Variants in DIP2B observed in about 807,000 individuals in gnomAD.
The protein encoded by DIP2B is disco-interacting protein 2 homolog B.
A neutral mutation model predicts 198.0 loss-of-function variants in DIP2B; 76 were observed. The observed-to-expected ratio is 0.38, with a 90% CI of 0.32 to 0.46. The LOEUF (loss-of-function observed/expected upper bound fraction) is 0.46, where lower values mean the gene tolerates loss of function less well. DIP2B is among the 20% of genes least tolerant of loss of function. DIP2B has a pLI of 0.99. For synonymous variants in DIP2B, 701 were observed against 739.1 expected (o/e 0.95, Z 0.84); for missense variants, 1,559 against 1,978.4 (o/e 0.79, Z 4.02).
intron 3 of DIP2B, among the ~76,000 whole-genome samples, chr12:50,641,707 T>C (rs775093575): frequency 1.3e-3 from 204 of 152,296 alleles, no homozygotes; most frequent in Non-Finnish European, 1.8e-3. Context: ...TGTACTGTGC[T>C]TGGGACCACC....
At chr12:50,719,454 T>C (rs943737885) in intron 25 of DIP2B, among the ~76,000 whole-genome samples, 2 of 152,206 alleles carry the variant, frequency 1.3e-5, no homozygotes, top group African/African-American at 4.8e-5. Flanking sequence ...TGGTACATAG[T>C]TAAATGATTT....
intron 1 of DIP2B, among the ~76,000 whole-genome samples, chr12:50,514,360 C>T (rs557620404): frequency 2.5e-4 from 38 of 152,148 alleles, no homozygotes; most frequent in African/African-American, 8.4e-4. Flanking sequence ...CCACTGCACC[C>T]GGTTGCATTA....
At chr12:50,696,064 C>T in intron 16 of DIP2B, 97 bp downstream of exon 16, 2 of 1,534,996 alleles carry the variant, frequency 1.3e-6, no homozygotes, top group South Asian at 1.2e-5. Flanking sequence ...TACTGAAAAA[C>T]TCACTCATTT....
intron 35 of DIP2B, among the ~76,000 whole-genome samples, chr12:50,737,344 C>T (rs993352218): frequency 6.6e-6 from 1 of 152,078 alleles, no homozygotes; most frequent in Non-Finnish European, 1.5e-5. Context: ...ACTGACATGC[C>T]CTTAGCTAGA....
rs1478284040 is a variant in DIP2B, at chr12:50,747,074, C to A, written c.*2235C>A. On this transcript the variant is annotated 3_prime_UTR_variant, in exon 38 of 38. Transcript: ENST00000301180. ...TAACCCAATAGCTCAAAAACACTAT[C>A]ATTTCAACATAGGATCAATATAAAA... The A allele has an allele frequency of 1.3e-5, 2 of 152,160 alleles. No individual in the cohort carries two copies. Among genetic ancestry groups the A allele is most frequent in the East Asian group, 1.9e-4 (1 of 5,204 alleles). 9.4% of individuals were successfully genotyped at this position (152,160 alleles called of 1,614,324 possible). A position where few individuals can be genotyped will look rare whatever the true frequency, so the allele number is the denominator to read the frequency against.
intron 26 of DIP2B, 62 bp from the exon 27 acceptor site, chr12:50,723,140 T>G: frequency 6.3e-7 from 1 of 1,587,746 alleles, no homozygotes; most frequent in Non-Finnish European, 8.6e-7. Context: ...AATTTGCCTT[T>G]TAGTTTCTCA....
chr12:50,606,266 G>A (rs1958980790), intron 1 of DIP2B, among the ~76,000 whole-genome samples: 1 of 152,114 alleles, frequency 6.6e-6, no homozygotes, highest in Non-Finnish European at 1.5e-5. Context: ...GGCTACAGGT[G>A]TGTGCCACCA....
rs1189033624 is a variant in DIP2B at position 50,675,462 on chromosome 12, T to C, written c.916+14T>C. On this transcript the variant is annotated intron_variant, in intron 7 of 37. Coordinates refer to ENST00000301180, the MANE Select transcript of DIP2B (RefSeq NM_173602.3). ...AAATTGTGGAAGGTAGTAGTAAAAATACCAAAAACATATATTCATTAAATA... is the reference window on the plus strand; with the variant it reads ...AAATTGTGGAAGGTAGTAGTAAAAACACCAAAAACATATATTCATTAAATA... The C allele has an allele frequency of 1.2e-6, 2 of 1,611,292 alleles. No individual in the cohort carries two copies. Among genetic ancestry groups the C allele is most frequent in the Admixed American group, 3.3e-5 (2 of 59,816 alleles).
intron 1 of DIP2B, among the ~76,000 whole-genome samples, chr12:50,590,570 A>G (rs1173505257): frequency 3.3e-5 from 5 of 152,082 alleles, no homozygotes; most frequent in African/African-American, 7.2e-5. Context: ...GGGTTTCACC[A>G]TGTTGGCCAG....
At chr12:50,730,319 C>G (rs987293679) in intron 30 of DIP2B, among the ~76,000 whole-genome samples, 11 of 151,672 alleles carry the variant, frequency 7.3e-5, no homozygotes, top group African/African-American at 2.4e-4. Context: ...GTTGAATACT[C>G]TTTCTTTTTC....
chr12:50,578,504 CT>C (rs62685162), intron 1 of DIP2B, among the ~76,000 whole-genome samples: 6,101 of 111,476 alleles, frequency 0.055, 136 homozygotes, highest in East Asian at 0.29. Flanking sequence ...GTTATTTGCT[CT>C]TTTTTTTTTT....
At chr12:50,532,855 T>C (rs1359662934) in intron 1 of DIP2B, among the ~76,000 whole-genome samples, 1 of 152,236 alleles carries the variant, frequency 6.6e-6, no homozygotes, top group African/African-American at 2.4e-5. Context: ...AGTCTTACTC[T>C]TTCCTGTGTG....
At chr12:50,720,907 C>G (rs1460284939) in intron 25 of DIP2B, among the ~76,000 whole-genome samples, 2 of 152,118 alleles carry the variant, frequency 1.3e-5, no homozygotes, top group Non-Finnish European at 2.9e-5. Context: ...CTCAAGTGAT[C>G]CTTCCACTTC....
intron 1 of DIP2B, among the ~76,000 whole-genome samples, chr12:50,541,601 A>G (rs1352848050): frequency 1.3e-5 from 2 of 152,150 alleles, no homozygotes; most frequent in East Asian, 3.8e-4. Context: ...TGATTGCCAG[A>G]TGTCTGACAC....
chr12:50,545,950 T>G (rs1194888075), intron 1 of DIP2B, among the ~76,000 whole-genome samples: 2 of 152,156 alleles, frequency 1.3e-5, no homozygotes, highest in African/African-American at 4.8e-5. Context: ...TAAGATTTAT[T>G]GAGGACTTGT....
intron 1 of DIP2B, among the ~76,000 whole-genome samples, chr12:50,564,468 G>C (rs1225528624): frequency 2.0e-5 from 3 of 152,138 alleles, no homozygotes; most frequent in Non-Finnish European, 4.4e-5. Flanking sequence ...TTCAGAAATA[G>C]GAAACAGAAA....
intron 1 of DIP2B, among the ~76,000 whole-genome samples, chr12:50,589,769 G>T (rs1958802838): frequency 6.6e-6 from 1 of 152,054 alleles, no homozygotes; most frequent in Non-Finnish European, 1.5e-5. Context: ...TGTATCCTCT[G>T]TGTTACTTAA....
chr12:50,686,635 T>C lies in DIP2B; in HGVS notation c.1504T>C (p.Trp502Arg), dbSNP rs1223390005. The C allele has an allele frequency of 1.2e-6, 2 of 1,614,138 alleles. No individual in the cohort carries two copies. Among genetic ancestry groups the C allele is most frequent in the Non-Finnish European group, 8.5e-7 (1 of 1,180,010 alleles). ...SKYLSKPPKD[W>R]QPHISPAGTE... ...GTACCTTTCAAAGCCACCGAAAGAC[T>C]GGCAGCCACACATCTCACCTGCTGG... Residue 502 changes from tryptophan (W) to arginine (R), a missense_variant, in exon 12 of 38, where the codon TGG (tryptophan) becomes CGG (arginine). Trp to Arg is a moderately radical substitution (Grantham distance 101, BLOSUM62 -3). Coordinates refer to ENST00000301180, the MANE Select transcript of DIP2B (RefSeq NM_173602.3).
Position 50,744,698 on chromosome 12 carries a change from T to A in DIP2B, c.4590T>A (p.His1530Gln). Residue 1530 changes from histidine to glutamine, a missense_variant, in exon 38 of 38, where the codon CAT becomes CAA. Coordinates refer to ENST00000301180, the MANE Select transcript of DIP2B (RefSeq NM_173602.3). ...TGACCAACGTGGTCCTGGAAGAGCA[T>A]TACCTCATCGTTGGCGTCGTGGTTG... ...PLVTNVVLEE[H>Q]YLIVGVVVVV... 6.2e-7 allele frequency: 1 copy of A among 1,614,180 alleles called. No homozygotes were observed. The highest frequency in any genetic ancestry group is 8.5e-7 in the Non-Finnish European group (1 of 1,180,042).
Sources: allele counts gnomAD v4.1 joint callset (sites outside exome capture counted in the v4.1 genomes callset), GRCh38; gene constraint gnomAD v4.1.1; transcripts MANE v1.5; gene names NCBI Gene and HGNC (gene_info 2026-07-23, HGNC 2026-07-21).